HABP2: variants seen among roughly 807,000 people sequenced by gnomAD.
The protein encoded by HABP2 is hyaluronan binding protein 2, also known as factor VII-activating protease.
In HABP2, 65 loss-of-function variants were observed where a neutral mutation model predicts 66.5. The observed-to-expected ratio is 0.98, with a 90% CI of 0.80 to 1.20. The LOEUF (loss-of-function observed/expected upper bound fraction) is 1.20. Among genes scored for constraint, HABP2 ranks in the 50% most tolerant of loss-of-function variants. The pLI, the probability that HABP2 is intolerant of heterozygous loss-of-function variation, is 0.00. For missense variants in HABP2, 786 were observed against 691.0 expected (o/e 1.14, Z -1.54); for synonymous variants, 263 against 253.9 (o/e 1.04, Z -0.34).
chr10:113,575,197 G>T (rs1435611928), intron 3 of HABP2, among the ~76,000 whole-genome samples: 2 of 152,212 alleles, frequency 1.3e-5, no homozygotes, highest in Non-Finnish European at 2.9e-5. Flanking sequence ...ATCAAAACAA[G>T]AGCAGGGCCC....
intron 1 of HABP2, among the ~76,000 whole-genome samples, chr10:113,564,394 C>T (rs947118312): frequency 5.9e-5 from 9 of 152,092 alleles, no homozygotes; most frequent in Non-Finnish European, 1.3e-4. Context: ...CAGAGGTACC[C>T]ATTTCTGGCA....
intron 10 of HABP2, among the ~76,000 whole-genome samples, chr10:113,583,925 G>T (rs967816833): frequency 1.3e-5 from 2 of 152,100 alleles, no homozygotes; most frequent in African/African-American, 2.4e-5. Context: ...GATTAGAAAT[G>T]ATTTCAAAGT....
At position 113,580,618 on chromosome 10, in the gene HABP2, C is replaced by T. The variant is rs1236998487; in HGVS notation, c.764C>T (p.Pro255Leu). 6.3e-7 allele frequency: 1 copy of T among 1,592,016 alleles called. No homozygotes were observed. Among genetic ancestry groups the T allele is most frequent in the Non-Finnish European group, 8.6e-7 (1 of 1,160,014 alleles). ...FCRNPDADEK[P>L]WCFIKVTNDK... is the part of the protein sequence containing the mutation. ...AGAAACCCAGATGCGGACGAAAAGC[C>T]CTGGTGCTTTATTAAAGTTACCAAT... Residue 255 changes from proline to leucine, a missense_variant, in exon 8 of 13, where the codon CCC becomes CTC. Pro to Leu is a moderately conservative substitution (Grantham distance 98). Transcript: ENST00000351270.
chr10:113,567,508 T>C lies in HABP2; in HGVS notation c.89T>C (p.Leu30Ser), dbSNP rs1376485843. The change falls in exon 2 of 13, where the codon TTG becomes TCG. Residue 30 changes from leucine (L) to serine (S), a missense_variant. By Grantham distance (145) the Leu-to-Ser change is moderately radical. Transcript: ENST00000351270. ...TACGFSLMSL[L>S]ESLDPDWTPD... ...TTTCAGTTCTCCCTGATGTCTTTAT[T>C]GGAAAGCCTGGACCCAGGTAAGTGT... The C allele has an allele frequency of 6.2e-7, 1 of 1,612,366 alleles. No individual in the cohort carries two copies. The highest frequency in any genetic ancestry group is 8.5e-7 in the Non-Finnish European group (1 of 1,178,476).
At chr10:113,579,094 CAA>C (rs11327736) in intron 7 of HABP2, among the ~76,000 whole-genome samples, 50 of 126,910 alleles carry the variant, frequency 3.9e-4, no homozygotes, top group Middle Eastern at 4.0e-3. Flanking sequence ...CCGTCTCTAC[CAA>C]AAAAAAAAAA....
chr10:113,588,498 A>C lies in HABP2; in HGVS notation c.*129A>C. The C allele has an allele frequency of 1.5e-6, 1 of 650,628 alleles. No homozygotes were observed. Among genetic ancestry groups the C allele is most frequent in the Non-Finnish European group, 2.5e-6 (1 of 393,380 alleles). 40.3% of individuals were successfully genotyped at this position (650,628 alleles called of 1,614,324 possible). ...AGTAGACTATCCCTACTCTAAGCAG[A>C]GACAACTGCCACCCAGCCTGGGCCT... On this transcript the variant is annotated 3_prime_UTR_variant, in exon 13 of 13. Transcript: ENST00000351270.
intron 1 of HABP2, among the ~76,000 whole-genome samples, chr10:113,566,024 T>A (rs1020837435): frequency 4.6e-5 from 7 of 152,222 alleles, no homozygotes; most frequent in Non-Finnish European, 1.0e-4. Flanking sequence ...TAATTTATCA[T>A]CTACCTAATT....
At chr10:113,578,329 G>C (rs1845452722) in intron 6 of HABP2, among the ~76,000 whole-genome samples, 184 bp downstream of exon 6, 1 of 152,196 alleles carries the variant, frequency 6.6e-6, no homozygotes, top group Admixed American at 6.5e-5. Context: ...CTGGGGTGTA[G>C]TGCAGGCAAG....
At chr10:113,585,529 T>C (rs1370693973) in intron 11 of HABP2, among the ~76,000 whole-genome samples, 2 of 152,180 alleles carry the variant, frequency 1.3e-5, no homozygotes, top group Non-Finnish European at 2.9e-5. Context: ...GAGCATCTAT[T>C]TCCTCCTGAA....
At chr10:113,576,328 T>C (rs1845408645) in intron 4 of HABP2, among the ~76,000 whole-genome samples, 1 of 152,126 alleles carries the variant, frequency 6.6e-6, no homozygotes, top group South Asian at 2.1e-4. Flanking sequence ...CATGTTGTCC[T>C]CAAATGGGAG....
chr10:113,589,408 T>C lies in HABP2; in HGVS notation c.*1039T>C, dbSNP rs886046750. The C allele has an allele frequency of 3.1e-5, 18 of 578,596 alleles. No individual in the cohort carries two copies. Among genetic ancestry groups the C allele is most frequent in the Middle Eastern group, 4.5e-4 (1 of 2,200 alleles). The allele number at this position is 578,596 out of a possible 1,614,324, so 35.8% of individuals were successfully genotyped here. A position where few individuals can be genotyped will look rare whatever the true frequency, so the allele number is the denominator to read the frequency against. On this transcript the variant is annotated 3_prime_UTR_variant, in exon 13 of 13. Transcript: ENST00000351270. Reference sequence around the variant, plus strand: ...CAGCCTGGGCTGCCCTGGCCCGGGATTGATGTAGCCCCGGTAGGTTTGCCT... The same window carrying C: ...CAGCCTGGGCTGCCCTGGCCCGGGACTGATGTAGCCCCGGTAGGTTTGCCT...
At chr10:113,561,226 G>T (rs1275711740) in intron 1 of HABP2, among the ~76,000 whole-genome samples, 1 of 152,112 alleles carries the variant, frequency 6.6e-6, no homozygotes, top group Non-Finnish European at 1.5e-5. Context: ...AGTCTATTTT[G>T]TCCTATCTTT....
rs1269580612 is a variant in HABP2 at position 113,588,232 on chromosome 10, G to A, written c.1546G>A (p.Glu516Lys). 2 of 1,611,892 alleles carry A rather than the reference G, an allele frequency of 1.2e-6. No individual in the cohort carries two copies. Among genetic ancestry groups the A allele is most frequent in the African/African-American group, 2.7e-5 (2 of 74,858 alleles). ...QGDSGGPLTC[E>K]KDGTYYVYGI... ...TGACTCTGGAGGCCCCCTGACCTGT[G>A]AGAAGGACGGCACCTACTACGTCTA... is the stretch of plus-strand genomic sequence containing the variant. Residue 516 changes from glutamate (E) to lysine (K), a missense_variant, in exon 13 of 13, where the codon GAG (glutamate) becomes AAG (lysine). By Grantham distance (56) the Glu-to-Lys change is moderately conservative. Transcript: ENST00000351270.
At chr10:113,585,367 A>T (rs1042473409) in intron 11 of HABP2, among the ~76,000 whole-genome samples, 6 of 152,226 alleles carry the variant, frequency 3.9e-5, no homozygotes, top group Admixed American at 3.9e-4. Flanking sequence ...ACATGTTTTG[A>T]TTGATGTCAT....
At chr10:113,569,280 C>T (rs1462171267) in intron 2 of HABP2, among the ~76,000 whole-genome samples, 1 of 152,216 alleles carries the variant, frequency 6.6e-6, no homozygotes, top group Admixed American at 6.5e-5. Flanking sequence ...GCAGACTTCT[C>T]CTGGGATCCA....
At chr10:113,567,360 C>A in intron 1 of HABP2, 129 bp from the exon 2 acceptor site, 1 of 729,818 alleles carries the variant, frequency 1.4e-6, no homozygotes, top group East Asian at 2.6e-5. Context: ...AACCTCTAGC[C>A]CAGCCACAAC....
At chr10:113,561,154 G>A (rs559302628) in intron 1 of HABP2, among the ~76,000 whole-genome samples, 2 of 152,356 alleles carry the variant, frequency 1.3e-5, no homozygotes, top group South Asian at 2.1e-4. Context: ...GAAGGAGCCC[G>A]TGTCTCTGAA....
At chr10:113,558,602 T>C (rs1197309437) in intron 1 of HABP2, among the ~76,000 whole-genome samples, 1 of 152,220 alleles carries the variant, frequency 6.6e-6, no homozygotes, top group Admixed American at 6.5e-5. Context: ...TCTAATGCTG[T>C]TACTTCACAT....
intron 2 of HABP2, among the ~76,000 whole-genome samples, chr10:113,567,839 G>A (rs1006291303): frequency 3.3e-5 from 5 of 152,320 alleles, no homozygotes; most frequent in African/African-American, 7.2e-5. Flanking sequence ...GCCACACAGC[G>A]AATTGGAGGC....
Sources: allele counts gnomAD v4.1 joint callset (sites outside exome capture counted in the v4.1 genomes callset), GRCh38; gene constraint gnomAD v4.1.1; transcripts MANE v1.5; gene names NCBI Gene and HGNC (gene_info 2026-07-23, HGNC 2026-07-21).